EPHB4: variants seen among roughly 807,000 people sequenced by gnomAD.
EPHB4 encodes EPH receptor B4.
EPHB4 carries 50 observed loss-of-function variants against 110.6 expected under a neutral mutation model. The observed-to-expected ratio is 0.45, with a 90% CI of 0.36 to 0.57. The LOEUF (loss-of-function observed/expected upper bound fraction) is 0.57. EPHB4 is among the 20% of genes least tolerant of loss of function. EPHB4 has a pLI of 0.00. For missense variants in EPHB4, 1,128 were observed against 1,382.1 expected (o/e 0.82, Z 2.91); for synonymous variants, 592 against 578.4 (o/e 1.02, Z -0.34).
chr7:100,804,912 C>T (rs1483219579), intron 16 of EPHB4, among the ~76,000 whole-genome samples: 5 of 152,180 alleles, frequency 3.3e-5, no homozygotes, highest in Admixed American at 2.6e-4. Flanking sequence ...AAGTGAGAGG[C>T]GGAAGCGCGA....
chr7:100,806,332 T>G (rs1270208454), intron 14 of EPHB4, 88 bp downstream of exon 14: 1 of 1,475,618 alleles, frequency 6.8e-7, no homozygotes, highest in Non-Finnish European at 9.2e-7. Flanking sequence ...AACCCAGCAG[T>G]GATGACTCTC....
rs754587141 is a variant in EPHB4 at position 100,812,786 on chromosome 7, T to C, written c.2079A>G (p.Thr693=). Residue 693 remains threonine (T), a synonymous_variant, in exon 12 of 17, where the codon ACA becomes ACG. Coordinates refer to ENST00000358173, the MANE Select transcript of EPHB4 (RefSeq NM_004444.5). ...VTNSMPVMIL[T]EFMENGALDS... is the part of the protein sequence containing the mutation. ...CCAGGGCGCCGTTCTCCATGAACTC[T>C]GTGAGAATCATGACGGGCATGCTGT... 1.2e-5 allele frequency: 20 copies of C among 1,613,996 alleles called. No individual in the cohort carries two copies. The Admixed American group carries it at 3.0e-4, about 24-fold the overall frequency.
intron 4 of EPHB4, chr7:100,820,522 A>G (rs906752406): frequency 7.4e-6 from 3 of 406,680 alleles, no homozygotes; most frequent in Non-Finnish European, 1.3e-5. Flanking sequence ...CTAAGGTGGG[A>G]AAATGGACAA....
chr7:100,824,373 T>C, intron 1 of EPHB4, 100 bp from the exon 2 acceptor site: 1 of 1,283,356 alleles, frequency 7.8e-7, no homozygotes, highest in Non-Finnish European at 1.1e-6. Flanking sequence ...CTCTTAGCTC[T>C]GAGCTAGAGG....
intron 8 of EPHB4, among the ~76,000 whole-genome samples, chr7:100,816,769 T>G (rs1451255262): frequency 1.3e-5 from 2 of 151,768 alleles, no homozygotes; most frequent in African/African-American, 4.8e-5. Context: ...TGCCATGTGA[T>G]CCACAGGAAG....
Position 100,824,485 on chromosome 7 carries a change from T to C in EPHB4, c.53-212A>G, listed in dbSNP as rs1813321424. ...CCCCACCCCCAACATCTGGTAGGCA[T>C]GGGGCTCCCTTGGGATACCCCAGAT... On this transcript the variant is annotated intron_variant, in intron 1 of 16. Coordinates refer to ENST00000358173, the MANE Select transcript of EPHB4 (RefSeq NM_004444.5). The C allele has an allele frequency of 3.6e-5, 21 of 576,188 alleles. No individual in the cohort carries two copies. The South Asian group carries it at 3.8e-4, about 11-fold the overall frequency. 35.7% of individuals were successfully genotyped at this position (576,188 alleles called of 1,614,324 possible).
At chr7:100,813,280 T>G (rs1812985605) in intron 10 of EPHB4, 72 bp from the exon 11 acceptor site, 7 of 1,242,458 alleles carry the variant, frequency 5.6e-6, no homozygotes, top group Non-Finnish European at 7.9e-6. Flanking sequence ...GCTCATAGCT[T>G]TTAGCCCCAA....
intron 1 of EPHB4, chr7:100,826,756 G>A (rs1462977782): frequency 6.2e-6 from 3 of 480,480 alleles, no homozygotes; most frequent in Non-Finnish European, 1.1e-5. Flanking sequence ...GTCCCGGGTC[G>A]TAGCCAGACT....
Position 100,817,246 on chromosome 7 carries a change from C to T in EPHB4, c.1534G>A (p.Glu512Lys). 6.2e-7 allele frequency: 1 copy of T among 1,602,996 alleles called. No homozygotes were observed. The highest frequency in any genetic ancestry group is 8.5e-7 in the Non-Finnish European group (1 of 1,175,404). ...TGGCCGAAGGGCCCGTAGCCGGCCT[C>T]AGAGCGCGCCCGTACCTGCACCAGG... is the stretch of plus-strand genomic sequence containing the variant. ...SYLVQVRARS[E>K]AGYGPFGQEH... Residue 512 changes from glutamate to lysine, a missense_variant, in exon 8 of 17, where the codon GAG becomes AAG. Coordinates refer to ENST00000358173, the MANE Select transcript of EPHB4 (RefSeq NM_004444.5).
At chr7:100,809,748 G>C (rs372782658) in intron 12 of EPHB4, among the ~76,000 whole-genome samples, 1 of 152,074 alleles carries the variant, frequency 6.6e-6, no homozygotes, top group South Asian at 2.1e-4. Flanking sequence ...TCCTGGCCTC[G>C]AGTGATCCAC....
intron 1 of EPHB4, among the ~76,000 whole-genome samples, chr7:100,825,846 G>A (rs182810751): frequency 2.6e-4 from 40 of 152,180 alleles, no homozygotes; most frequent in East Asian, 3.9e-4. Context: ...ACCACACCTC[G>A]TCCTCGTGGT....
At chr7:100,819,494 C>A in intron 6 of EPHB4, 63 bp downstream of exon 6, 1 of 1,506,268 alleles carries the variant, frequency 6.6e-7, no homozygotes, top group South Asian at 1.3e-5. Context: ...TGCCTCTCCC[C>A]TTCAGGCCCT....
chr7:100,805,651 G>C lies in EPHB4; in HGVS notation c.2528C>G (p.Pro843Arg), dbSNP rs1460804400. The change falls in exon 15 of 17, where the codon CCA becomes CGA. Residue 843 changes from proline to arginine, a missense_variant. Physicochemically the swap from Pro to Arg is moderately radical, Grantham distance 103. Transcript: ENST00000358173. ...CTGGTGGAGGGAGGTGGGACAGTCT[G>C]GGGGCGGGGGCAGCCGGTAGTCCTG... Reference protein sequence around the residue: ...IEQDYRLPPPPDCPTSLHQLM... With the variant: ...IEQDYRLPPPRDCPTSLHQLM... The C allele has an allele frequency of 1.3e-6, 2 of 1,540,244 alleles. No homozygotes were observed. The highest frequency in any genetic ancestry group is 2.2e-5 in the Admixed American group (1 of 45,382).
Position 100,817,334 on chromosome 7 carries a change from C to T in EPHB4, c.1446G>A (p.Val482=), listed in dbSNP as rs1813101411. ...HEKGAEGPSS[V]RFLKTSENRA... ...GGTTTTCTGACGTCTTCAGGAACCG[C>T]ACGCTGCTGGGACCCTCGGCGCCCT... Residue 482 remains valine (V), a synonymous_variant, in exon 8 of 17, where the codon GTG becomes GTA. Transcript: ENST00000358173. The T allele has an allele frequency of 6.3e-7, 1 of 1,582,162 alleles. No homozygotes were observed. The highest frequency in any genetic ancestry group is 8.6e-7 in the Non-Finnish European group (1 of 1,165,336).
intron 12 of EPHB4, among the ~76,000 whole-genome samples, chr7:100,811,595 C>T (rs1318756921): frequency 6.6e-6 from 1 of 152,082 alleles, no homozygotes; most frequent in East Asian, 1.9e-4. Flanking sequence ...ACAGGCCAGG[C>T]ACAGTGGCTC....
At position 100,803,580 on chromosome 7, in the gene EPHB4, G is replaced by A. The variant is rs750862933; in HGVS notation, c.2845C>T (p.Arg949Ter). The A allele has an allele frequency of 1.9e-6, 3 of 1,603,698 alleles. No homozygotes were observed. Among genetic ancestry groups the A allele is most frequent in the South Asian group, 1.1e-5 (1 of 89,484 alleles). Residue 949 changes from arginine to a stop codon, truncating the protein, a stop_gained, in exon 17 of 17, where the codon CGA becomes TGA. Transcript: ENST00000358173. LOFTEE classifies it high-confidence loss of function. ...TGTCCCGCCAGAGTGACTCCGATTC[G>A]GAGCAGGTCCCTGCAGAAGGAAAGG... Reference protein sequence around the residue: ...VSQISAEDLLRIGVTLAGHQK... With the variant: ...VSQISAEDLL
chr7:100,807,601 G>A, intron 12 of EPHB4, 21 bp from the exon 13 acceptor site: 2 of 1,607,862 alleles, frequency 1.2e-6, no homozygotes, highest in African/African-American at 1.3e-5. Context: ...GATAGGGTGG[G>A]GGCTTGGTGA....
intron 14 of EPHB4, 41 bp downstream of exon 14, chr7:100,806,379 G>C (rs372982740): frequency 6.3e-7 from 1 of 1,582,324 alleles, no homozygotes; most frequent in African/African-American, 1.3e-5. Context: ...CCAGGTGAGA[G>C]AACACTCGAG....
chr7:100,807,619 C>G, intron 12 of EPHB4, 39 bp from the exon 13 acceptor site: 1 of 1,586,162 alleles, frequency 6.3e-7, no homozygotes, highest in Non-Finnish European at 8.6e-7. Context: ...TGAGGACAGC[C>G]CACCCACCGT....
Sources: allele counts gnomAD v4.1 joint callset (sites outside exome capture counted in the v4.1 genomes callset), GRCh38; gene constraint gnomAD v4.1.1; transcripts MANE v1.5; gene names NCBI Gene and HGNC (gene_info 2026-07-23, HGNC 2026-07-21).